TYW5: variants seen among roughly 807,000 people sequenced by gnomAD.
TYW5 encodes the protein tRNA wybutosine-synthesizing protein 5.
In TYW5, 36 loss-of-function variants were observed where a neutral mutation model predicts 44.4. That is an observed-to-expected ratio of 0.81 (90% CI 0.62 to 1.07). The LOEUF (loss-of-function observed/expected upper bound fraction) is 1.07. Ranked by LOEUF, TYW5 falls within the 50% of genes least tolerant of loss-of-function variation. The pLI is 0.00. For synonymous variants in TYW5, 121 were observed against 128.1 expected (o/e 0.94, Z 0.37); for missense variants, 354 against 365.7 (o/e 0.97, Z 0.26).
At chr2:199,950,086 C>G (rs1509835) in intron 1 of TYW5, among the ~76,000 whole-genome samples, 126,385 of 152,060 alleles carry the variant, frequency 0.83, 52,639 homozygotes, top group South Asian at 0.91. Flanking sequence ...TCAGTGGACA[C>G]AGTTAGGATA....
intron 1 of TYW5, among the ~76,000 whole-genome samples, chr2:199,951,261 C>T (rs557827129): frequency 2.0e-5 from 3 of 152,190 alleles, no homozygotes; most frequent in East Asian, 1.9e-4. Context: ...CTACTGAGAA[C>T]GTTAAATGAG....
At chr2:199,937,740 C>A (rs1396310458) in intron 5 of TYW5, among the ~76,000 whole-genome samples, 1 of 152,184 alleles carries the variant, frequency 6.6e-6, no homozygotes. Flanking sequence ...ACATGATTTT[C>A]TCACCATGTT....
intron 6 of TYW5, 137 bp downstream of exon 6, chr2:199,936,268 A>G (rs760813075): frequency 1.3e-6 from 1 of 778,000 alleles, no homozygotes; most frequent in South Asian, 1.8e-5. Context: ...TTCAAATTTG[A>G]ACCTGTTATT....
chr2:199,951,126 GT>G (rs1260733997), intron 1 of TYW5, among the ~76,000 whole-genome samples: 5 of 152,152 alleles, frequency 3.3e-5, no homozygotes, highest in Non-Finnish European at 7.4e-5. Context: ...TTATTTACAA[GT>G]TTGGTGATAT....
At chr2:199,943,638 C>CA in intron 3 of TYW5, 127 bp downstream of exon 3, 1 of 745,588 alleles carries the variant, frequency 1.3e-6, no homozygotes, top group South Asian at 1.9e-5. Flanking sequence ...GTGGTGCATC[C>CA]AACCAAATCT....
intron 1 of TYW5, among the ~76,000 whole-genome samples, chr2:199,950,642 G>C (rs953579077): frequency 6.6e-6 from 1 of 151,154 alleles, no homozygotes; most frequent in African/African-American, 2.5e-5. Context: ...ATGTGGGTCT[G>C]TGTGTGTGTA....
intron 7 of TYW5, among the ~76,000 whole-genome samples, chr2:199,935,036 A>G (rs2077408018): frequency 6.6e-6 from 1 of 152,018 alleles, no homozygotes; most frequent in South Asian, 2.1e-4. Flanking sequence ...TAAGTGACAC[A>G]GTTCTAAAAT....
Position 199,930,305 on chromosome 2 carries a change from T to G in TYW5, c.*2762A>C, listed in dbSNP as rs2077366059. ...GTCCAAATAATACAAAACTAGATTC[T>G]AAGCAGCCCACCTAGTTGAACCTCT... On this transcript the variant is annotated 3_prime_UTR_variant, in exon 8 of 8. Coordinates refer to ENST00000354611, the MANE Select transcript of TYW5 (RefSeq NM_001039693.3). 1 of 152,204 alleles carries G rather than the reference T, an allele frequency of 6.6e-6. No homozygotes were observed. The highest frequency in any genetic ancestry group is 1.5e-5 in the Non-Finnish European group (1 of 68,040). The allele number at this position is 152,204 out of a possible 1,614,324, so 9.4% of individuals were successfully genotyped here. A position where few individuals can be genotyped will look rare whatever the true frequency, so the allele number is the denominator to read the frequency against.
chr2:199,946,328 A>T (rs1185841855), intron 2 of TYW5: 1 of 152,148 alleles, frequency 6.6e-6, no homozygotes, highest in Non-Finnish European at 1.5e-5. Context: ...AGAAGAAGAA[A>T]GCCCTTCACT....
At chr2:199,940,614 A>C (rs185079431) in intron 3 of TYW5, among the ~76,000 whole-genome samples, 406 of 151,716 alleles carry the variant, frequency 2.7e-3, no homozygotes, top group Non-Finnish European at 4.8e-3. Context: ...TTTTCAAAAA[A>C]GAAAAAAAAA....
In TYW5 at chr2:199,930,546, G is replaced by A; in HGVS notation, c.*2521C>T. The A allele has an allele frequency of 6.6e-6, 1 of 152,308 alleles. No individual in the cohort carries two copies. The highest frequency in any genetic ancestry group is 1.5e-5 in the Non-Finnish European group (1 of 68,110). 9.4% of individuals were successfully genotyped at this position (152,308 alleles called of 1,614,324 possible). On this transcript the variant is annotated 3_prime_UTR_variant, in exon 8 of 8. Coordinates refer to ENST00000354611, the MANE Select transcript of TYW5 (RefSeq NM_001039693.3). ...TGGTCTTGATCTGACCTCGTGATCT[G>A]CCCACCTCGGCCTCCCAAAGTGCTG...
rs1293374402 is a variant in TYW5 at position 199,930,601 on chromosome 2, CCCA to C, written c.*2463_*2465del. 4 of 152,276 alleles carry C rather than the reference CCCA, an allele frequency of 2.6e-5. No homozygotes were observed. Among genetic ancestry groups the C allele is most frequent in the Non-Finnish European group, 4.4e-5 (3 of 68,130 alleles). 9.4% of individuals were successfully genotyped at this position (152,276 alleles called of 1,614,324 possible). On this transcript the variant is annotated 3_prime_UTR_variant, in exon 8 of 8. Transcript: ENST00000354611. Reference sequence around the variant, plus strand: ...TACAGGCATGAGCCATGGCACCTGACCCACCATTACTTTTATTTTGAATCTTGT... The same window carrying C: ...TACAGGCATGAGCCATGGCACCTGACCCATTACTTTTATTTTGAATCTTGT...
Position 199,932,321 on chromosome 2 carries a change from A to G in TYW5, c.*746T>C, listed in dbSNP as rs1010094175. 1 of 152,152 alleles carries G rather than the reference A, an allele frequency of 6.6e-6. No individual in the cohort carries two copies. The highest frequency in any genetic ancestry group is 1.5e-5 in the Non-Finnish European group (1 of 68,024). The allele number at this position is 152,152 out of a possible 1,614,324, so 9.4% of individuals were successfully genotyped here. On this transcript the variant is annotated 3_prime_UTR_variant, in exon 8 of 8. Transcript: ENST00000354611. ...AATTCTGCTTCTAGGCAAATGTAAT[A>G]GATATTGTGCGTTGCTCATGTTTTT... is the stretch of plus-strand genomic sequence containing the variant.
In TYW5 at chr2:199,930,521, T is replaced by C. The variant is rs1308210178; in HGVS notation, c.*2546A>G. ...CGGGGTTTTACCATGTTGGCCAGAA[T>C]GGTCTTGATCTGACCTCGTGATCTG... is the stretch of plus-strand genomic sequence containing the variant. On this transcript the variant is annotated 3_prime_UTR_variant, in exon 8 of 8. Coordinates refer to ENST00000354611, the MANE Select transcript of TYW5 (RefSeq NM_001039693.3). 6.6e-6 allele frequency: 1 copy of C among 152,242 alleles called. No individual in the cohort carries two copies. 9.4% of individuals were successfully genotyped at this position (152,242 alleles called of 1,614,324 possible).
chr2:199,943,651 C>T (rs1047162020), intron 3 of TYW5, 114 bp downstream of exon 3: 26 of 816,364 alleles, frequency 3.2e-5, no homozygotes, highest in East Asian at 5.6e-5. Flanking sequence ...CCAAATCTTA[C>T]GAATGTCTAT....
At chr2:199,938,147 C>T (rs1248597001) in intron 5 of TYW5, among the ~76,000 whole-genome samples, 3 of 151,766 alleles carry the variant, frequency 2.0e-5, no homozygotes, top group African/African-American at 7.3e-5. Context: ...TCACTGCAAG[C>T]TCTGCCTCCT....
At position 199,943,777 on chromosome 2, in the gene TYW5, G is replaced by A. The variant is rs1431842958; in HGVS notation, c.291C>T (p.Phe97=). ...QRAAEEKHKE[F]FVSEDEKYYL... ...TAAAAGCAATTACCTCTGAAACAAA[G>A]AATTCTTTATGTTTCTCTTCAGCTG... The change falls in exon 3 of 8, where the codon TTC becomes TTT. Residue 97 remains phenylalanine, a synonymous_variant. Coordinates refer to ENST00000354611, the MANE Select transcript of TYW5 (RefSeq NM_001039693.3). 1.2e-6 allele frequency: 2 copies of A among 1,609,680 alleles called. No individual in the cohort carries two copies. Among genetic ancestry groups the A allele is most frequent in the Non-Finnish European group, 1.7e-6 (2 of 1,178,986 alleles).
At chr2:199,935,849 T>TAA in intron 7 of TYW5, 82 bp downstream of exon 7, 29 of 742,248 alleles carry the variant, frequency 3.9e-5, no homozygotes, top group Admixed American at 5.1e-5. Context: ...ATATTTGTAC[T>TAA]AAAAAAAAAA....
intron 5 of TYW5, 147 bp downstream of exon 5, chr2:199,938,786 C>A (rs1233210242): frequency 1.4e-6 from 1 of 733,230 alleles, no homozygotes; most frequent in African/African-American, 1.8e-5. Context: ...TGTATCACTG[C>A]TATGCACAGC....
Sources: gnomAD v4.1 joint callset for allele counts (sites outside exome capture counted in the v4.1 genomes callset) on GRCh38, gnomAD v4.1.1 for gene constraint, MANE v1.5 for transcripts, NCBI Gene and HGNC (gene_info 2026-07-23, HGNC 2026-07-21) for gene names.